The following GLI3 variants were observed in gnomAD, a reference collection of about 807,000 sequenced individuals.
GLI3 encodes GLI family zinc finger 3.
In GLI3, 20 loss-of-function variants were observed where a neutral mutation model predicts 100.8. The observed-to-expected ratio is 0.20, with a 90% CI of 0.14 to 0.29. The LOEUF is 0.29. GLI3 is among the 10% of genes least tolerant of loss of function. The pLI, the probability that GLI3 is intolerant of heterozygous loss-of-function variation, is 1.00. For missense variants in GLI3, 2,040 were observed against 2,128.5 expected, an observed-to-expected ratio of 0.96 and a Z score of 0.82; for synonymous variants, 938 against 860.5, an observed-to-expected ratio of 1.09 and a Z score of -1.58.
rs941344763 is a variant in GLI3 at position 41,963,003 on chromosome 7, A to C, written c.*1327T>G. 1 of 152,234 alleles carries C rather than the reference A, an allele frequency of 6.6e-6. No homozygotes were observed. Among genetic ancestry groups the C allele is most frequent in the South Asian group, 2.1e-4 (1 of 4,838 alleles). The allele number at this position is 152,234 out of a possible 1,614,324, so 9.4% of individuals were successfully genotyped here. A position where few individuals can be genotyped will look rare whatever the true frequency, so the allele number is the denominator to read the frequency against. On this transcript the variant is annotated 3_prime_UTR_variant, in exon 15 of 15. Coordinates refer to ENST00000395925, the MANE Select transcript of GLI3 (RefSeq NM_000168.6). The stretch of plus-strand genomic sequence containing the variant: ...CACTTCAAAAATCTTTAAATGTTTT[A>C]ATCCAAAACAAAAGTACAGATCCAG...
intron 1 of GLI3, among the ~76,000 whole-genome samples, chr7:42,230,332 A>C (rs1370611619): frequency 6.6e-6 from 1 of 152,188 alleles, no homozygotes; most frequent in Non-Finnish European, 1.5e-5. Context: ...TTTCTTTCCT[A>C]CATTTCTGAT....
chr7:42,245,651 A>G (rs1031814441), intron 1 of GLI3, among the ~76,000 whole-genome samples: 2 of 152,176 alleles, frequency 1.3e-5, no homozygotes, highest in Non-Finnish European at 2.9e-5. Context: ...ACTGCACTCC[A>G]GCCTGGGTGA....
At chr7:42,197,177 G>A (rs570892050) in intron 2 of GLI3, among the ~76,000 whole-genome samples, 5 of 152,228 alleles carry the variant, frequency 3.3e-5, no homozygotes, top group Admixed American at 6.5e-5. Flanking sequence ...CCCTCTTAAC[G>A]TCATCAAGTT....
At chr7:42,190,590 TGA>T (rs1367042812) in intron 2 of GLI3, among the ~76,000 whole-genome samples, 2 of 152,178 alleles carry the variant, frequency 1.3e-5, no homozygotes, top group Non-Finnish European at 2.9e-5. Flanking sequence ...GCGTTGTGTG[TGA>T]GTTTATTCAA....
At chr7:42,061,340 T>C (rs1784565460) in intron 4 of GLI3, among the ~76,000 whole-genome samples, 1 of 152,178 alleles carries the variant, frequency 6.6e-6, no homozygotes, top group African/African-American at 2.4e-5. Flanking sequence ...TCCATATTAG[T>C]ATCATCATCA....
chr7:42,056,068 A>C lies in GLI3; in HGVS notation c.474-7372T>G, dbSNP rs116407661. Among the ~76,000 whole-genome samples, 1,300 of 152,258 alleles carry C rather than the reference A, an allele frequency of 8.5e-3. 11 individuals carry two copies. Among genetic ancestry groups the C allele is most frequent in the Non-Finnish European group, 0.012 (850 of 68,016 alleles). The stretch of plus-strand genomic sequence containing the variant: ...TCCTCTTGTCTGCCACCATGTGAGA[A>C]GTGCCTTTCATCTTCCACCATGATT... On this transcript the variant is annotated intron_variant, in intron 4 of 14. Coordinates refer to ENST00000395925, the MANE Select transcript of GLI3 (RefSeq NM_000168.6).
chr7:42,259,948 A>G (rs966897563), intron 1 of GLI3, among the ~76,000 whole-genome samples: 1 of 152,208 alleles, frequency 6.6e-6, no homozygotes, highest in Non-Finnish European at 1.5e-5. Flanking sequence ...TATGCATAGC[A>G]TTGTATGCAT....
In GLI3 at chr7:42,167,627, G is replaced by C. The variant is rs184297557; in HGVS notation, c.125-19159C>G. On this transcript the variant is annotated intron_variant, in intron 2 of 14. Coordinates refer to ENST00000395925, the MANE Select transcript of GLI3 (RefSeq NM_000168.6). ...CAGAGAAAGAGAGAGAGAAATAAACGTAACTCTGGCAATTTCTTAAAAAGG... is the reference window on the plus strand; with the variant it reads ...CAGAGAAAGAGAGAGAGAAATAAACCTAACTCTGGCAATTTCTTAAAAAGG... Among the ~76,000 whole-genome samples the C allele has an allele frequency of 5.3e-5, 8 of 152,264 alleles. No individual in the cohort carries two copies. In the East Asian group the frequency reaches 1.5e-3, roughly 29 times the overall value.
intron 10 of GLI3, among the ~76,000 whole-genome samples, chr7:42,008,796 G>A (rs971846945): frequency 1.3e-5 from 2 of 152,182 alleles, no homozygotes; most frequent in Non-Finnish European, 2.9e-5. Context: ...GCTAGGCTTG[G>A]TGGAAACTAT....
intron 10 of GLI3, among the ~76,000 whole-genome samples, chr7:41,997,989 C>T (rs1287544976): frequency 6.6e-6 from 1 of 152,156 alleles, no homozygotes; most frequent in East Asian, 1.9e-4. Context: ...AAGACATCTC[C>T]TATATGCCGG....
At chr7:42,223,509 G>A (rs2128702836) in intron 1 of GLI3, among the ~76,000 whole-genome samples, 2 of 152,176 alleles carry the variant, frequency 1.3e-5, no homozygotes, top group Middle Eastern at 3.4e-3. Flanking sequence ...GAGAACCGAG[G>A]GAAATGCCCA....
rs1787547555 is a variant in GLI3 at position 41,977,739 on chromosome 7, A to G, written c.1648-17T>C. 4 of 1,612,428 alleles carry G rather than the reference A, an allele frequency of 2.5e-6. No individual in the cohort carries two copies. The highest frequency in any genetic ancestry group is 3.4e-6 in the Non-Finnish European group (4 of 1,178,422). On this transcript the variant is annotated splice_polypyrimidine_tract_variant and intron_variant, in intron 11 of 14. Coordinates refer to ENST00000395925, the MANE Select transcript of GLI3 (RefSeq NM_000168.6). ...ACCTTCAAACTGAGGACAACAGGTA[A>G]ATCTGGATTACTCTGCACAATGGCA...
intron 3 of GLI3, among the ~76,000 whole-genome samples, chr7:42,138,232 C>T (rs766134006): frequency 6.6e-6 from 1 of 152,124 alleles, no homozygotes; most frequent in East Asian, 1.9e-4. Flanking sequence ...AGGCAGGTCA[C>T]GTCAGCAGTG....
chr7:42,004,816 A>C (rs906673990), intron 10 of GLI3, among the ~76,000 whole-genome samples: 6 of 152,192 alleles, frequency 3.9e-5, no homozygotes, highest in Non-Finnish European at 5.9e-5. Flanking sequence ...TTTTCAATTC[A>C]AGGCTTTAGT....
chr7:42,168,563 G>T (rs182587324), intron 2 of GLI3, among the ~76,000 whole-genome samples: 1 of 152,062 alleles, frequency 6.6e-6, no homozygotes, highest in Non-Finnish European at 1.5e-5. Context: ...GATGAATCTC[G>T]TAAACATAAT....
At position 41,977,553 on chromosome 7, in the gene GLI3, C is replaced by CT; in HGVS notation, c.1812+4dup. 2 of 1,613,632 alleles carry CT rather than the reference C, an allele frequency of 1.2e-6. No homozygotes were observed. Among genetic ancestry groups the CT allele is most frequent in the Non-Finnish European group, 1.7e-6 (2 of 1,179,584 alleles). ...GCAAGCTCCATGCCCACTGAGGATGCTTACCTCATTGGAATGCGTTCTGTT... is the reference window on the plus strand; with the variant it reads ...GCAAGCTCCATGCCCACTGAGGATGCTTTACCTCATTGGAATGCGTTCTGTT... On this transcript the variant is annotated splice_donor_region_variant and intron_variant, in intron 12 of 14. Coordinates refer to ENST00000395925, the MANE Select transcript of GLI3 (RefSeq NM_000168.6).
At chr7:42,099,413 C>G (rs1387021083) in intron 3 of GLI3, among the ~76,000 whole-genome samples, 2 of 152,180 alleles carry the variant, frequency 1.3e-5, no homozygotes, top group African/African-American at 2.4e-5. Context: ...TGAAATAGAG[C>G]ATACTTAACA....
chr7:42,185,794 A>G (rs150618147), intron 2 of GLI3, among the ~76,000 whole-genome samples: 29 of 152,328 alleles, frequency 1.9e-4, no homozygotes, highest in Middle Eastern at 3.4e-3. Flanking sequence ...ACACCCTGGC[A>G]GCAGTAGTGT....
At chr7:42,152,330 A>G (rs921966552) in intron 2 of GLI3, 14 of 888,424 alleles carry the variant, frequency 1.6e-5, no homozygotes, top group Admixed American at 6.2e-5. Context: ...GATGCGGAGT[A>G]TAAGAGAACA....
Sources: allele counts gnomAD v4.1 joint callset (sites outside exome capture counted in the v4.1 genomes callset), GRCh38; gene constraint gnomAD v4.1.1; transcripts MANE v1.5; gene names NCBI Gene and HGNC (gene_info 2026-07-23, HGNC 2026-07-21).